Variants in HLTF observed in about 807,000 individuals in gnomAD.
HLTF encodes the protein helicase like transcription factor.
In HLTF, 127 loss-of-function variants were observed where a neutral mutation model predicts 129.4. That is an observed-to-expected ratio of 0.98 (90% CI 0.85 to 1.14). The LOEUF is 1.14. Ranked by LOEUF, HLTF falls within the 50% of genes most tolerant of loss-of-function variation. HLTF has a pLI of 0.00. For missense variants in HLTF, 1,139 were observed against 1,187.1 expected (o/e 0.96, Z 0.60); for synonymous variants, 332 against 388.8 (o/e 0.85, Z 1.72).
chr3:149,035,603 G>A (rs1468920054), intron 23 of HLTF, among the ~76,000 whole-genome samples: 1 of 139,338 alleles, frequency 7.2e-6, no homozygotes, highest in Non-Finnish European at 1.5e-5. Flanking sequence ...AGCCTGCAGT[G>A]AGCCGAGATC....
intron 18 of HLTF, among the ~76,000 whole-genome samples, chr3:149,043,323 A>G (rs1178416313): frequency 6.6e-6 from 1 of 151,832 alleles, no homozygotes; most frequent in Non-Finnish European, 1.5e-5. Flanking sequence ...GAAAATCAAA[A>G]TTAAACAAAA....
At chr3:149,067,088 T>C (rs897026050) in intron 8 of HLTF, among the ~76,000 whole-genome samples, 1 of 152,032 alleles carries the variant, frequency 6.6e-6, no homozygotes, top group Non-Finnish European at 1.5e-5. Flanking sequence ...AAGAAGTAAC[T>C]GTTCCTCTCT....
At chr3:149,063,629 C>A (rs1718133740) in intron 9 of HLTF, 105 bp from the exon 10 acceptor site, 8 of 651,498 alleles carry the variant, frequency 1.2e-5, no homozygotes, top group Non-Finnish European at 2.2e-5. Flanking sequence ...TTTCAGTTTT[C>A]TTAAGATCTT....
chr3:149,041,730 T>C (rs759726476), intron 19 of HLTF, 62 bp from the exon 20 acceptor site: 1 of 1,195,598 alleles, frequency 8.4e-7, no homozygotes, highest in Admixed American at 2.0e-5. Context: ...AGTTAATCTA[T>C]CTTATAAGGA....
chr3:149,072,460 A>C (rs1416107910), intron 5 of HLTF, among the ~76,000 whole-genome samples: 1 of 152,216 alleles, frequency 6.6e-6, no homozygotes, highest in East Asian at 1.9e-4. Context: ...CTTGCCATGC[A>C]CTATAGGATA....
At position 149,040,017 on chromosome 3, in the gene HLTF, CAT is replaced by C. The variant is rs1491295264; in HGVS notation, c.2502+12_2502+13del. Reference sequence around the variant, plus strand: ...TAAAACAAATACTCAAATATTTGCACATGAGTACTTTACCTTTGAACTGGATG... The same window carrying C: ...TAAAACAAATACTCAAATATTTGCACGAGTACTTTACCTTTGAACTGGATG... On this transcript the variant is annotated intron_variant, in intron 21 of 24. Coordinates refer to ENST00000310053, the MANE Select transcript of HLTF (RefSeq NM_003071.4). 9.5e-4 allele frequency: 1,514 copies of C among 1,601,776 alleles called. 10 individuals carry two copies. The African/African-American group carries it at 0.018, about 19-fold the overall frequency.
At position 149,084,661 on chromosome 3, in the gene HLTF, A is replaced by ATTTAG. The variant is rs112819626; in HGVS notation, c.228+20_228+21insCTAAA. On this transcript the variant is annotated intron_variant, in intron 2 of 24. Coordinates refer to ENST00000310053, the MANE Select transcript of HLTF (RefSeq NM_003071.4). ...ACGCCAGAAATATAATCAAAATTTA[A>ATTTAG]TTATCTACTATTATACTCACTACTC... is the stretch of plus-strand genomic sequence containing the variant. 0.019 allele frequency: 28,342 copies of ATTTAG among 1,512,204 alleles called. 1,938 individuals are homozygous for ATTTAG. The African/African-American group carries it at 0.22, about 12-fold the overall frequency. The allele number at this position is 1,512,204 out of a possible 1,614,324, so 93.7% of individuals were successfully genotyped here. A position where few individuals can be genotyped will look rare whatever the true frequency, so the allele number is the denominator to read the frequency against.
rs1210280419 is a variant in HLTF, at chr3:149,050,308, C to T, written c.1541G>A (p.Arg514His). Residue 514 changes from arginine (R) to histidine (H), a missense_variant, in exon 15 of 25, where the codon CGT becomes CAT. Transcript: ENST00000310053. ...LNFYVYYGPD[R>H]IREPALLSKQ... ...TGAAAGTAAGGCCGGTTCTCTAATA[C>T]GATCAGGACCATAATAAACATAAAA... 10 of 1,596,716 alleles carry T rather than the reference C, an allele frequency of 6.3e-6. No homozygotes were observed. Among genetic ancestry groups the T allele is most frequent in the South Asian group, 4.4e-5 (4 of 90,176 alleles).
Position 149,050,366 on chromosome 3 carries a change from C to A in HLTF, c.1483G>T (p.Gly495Ter), listed in dbSNP as rs1313183454. 1.3e-6 allele frequency: 2 copies of A among 1,565,060 alleles called. No individual in the cohort carries two copies. The highest frequency in any genetic ancestry group is 2.4e-5 in the South Asian group (2 of 83,770). ...TGTACATCTGATTTTATATGTTGTC[C>A]AAACTGGTCCTAAAGAAAAATTAGG... ...SVLSNWIDQF[G>*]QHIKSDVHLN... The change falls in exon 15 of 25, where the codon GGA becomes TGA. Residue 495 changes from glycine (G) to a stop codon, truncating the protein, a stop_gained. Coordinates refer to ENST00000310053, the MANE Select transcript of HLTF (RefSeq NM_003071.4). LOFTEE classifies it high-confidence loss of function.
intron 14 of HLTF, among the ~76,000 whole-genome samples, chr3:149,053,271 G>C (rs1265408861): frequency 6.6e-6 from 1 of 152,206 alleles, no homozygotes; most frequent in Non-Finnish European, 1.5e-5. Flanking sequence ...GAGGGGCCTG[G>C]AGGTGGAAGG....
intron 1 of HLTF, among the ~76,000 whole-genome samples, chr3:149,085,975 G>A (rs1017853713): frequency 6.6e-6 from 1 of 152,116 alleles, no homozygotes; most frequent in African/African-American, 2.4e-5. Context: ...GACAAGGACT[G>A]TCTTACTCGG....
At position 149,041,672 on chromosome 3, in the gene HLTF, G is replaced by C; in HGVS notation, c.2198-4C>G. ...AGTTCTTCAGGTGTATCATTTCCTA[G>C]AGAAAAGGCTGAAAAATTAATTTCA... On this transcript the variant is annotated splice_polypyrimidine_tract_variant and splice_region_variant and intron_variant, in intron 19 of 24. Coordinates refer to ENST00000310053, the MANE Select transcript of HLTF (RefSeq NM_003071.4). 2 of 1,595,896 alleles carry C rather than the reference G, an allele frequency of 1.3e-6. No homozygotes were observed. Among genetic ancestry groups the C allele is most frequent in the Non-Finnish European group, 1.7e-6 (2 of 1,166,434 alleles).
chr3:149,054,465 T>G (rs1040737778), intron 14 of HLTF, among the ~76,000 whole-genome samples: 11 of 152,152 alleles, frequency 7.2e-5, no homozygotes, highest in Admixed American at 4.6e-4. Context: ...GATCTCTTCC[T>G]CCTCTGACAT....
At chr3:149,073,177 C>A in intron 5 of HLTF, 48 bp downstream of exon 5, 2 of 1,280,554 alleles carry the variant, frequency 1.6e-6, no homozygotes, top group South Asian at 1.4e-5. Context: ...TACAAACCTG[C>A]AACATTTAAA....
chr3:149,063,739 T>C (rs975819961), intron 9 of HLTF, among the ~76,000 whole-genome samples: 2 of 152,132 alleles, frequency 1.3e-5, no homozygotes, highest in African/African-American at 4.8e-5. Context: ...CCCAGTCTTT[T>C]CTTTGTACTC....
intron 17 of HLTF, among the ~76,000 whole-genome samples, chr3:149,047,420 T>C (rs1716630488): frequency 6.6e-6 from 1 of 152,176 alleles, no homozygotes. Flanking sequence ...GGCAAGAGGA[T>C]AACCTGAGGT....
At chr3:149,034,677 G>A (rs1715416353) in intron 24 of HLTF, among the ~76,000 whole-genome samples, 2 of 152,166 alleles carry the variant, frequency 1.3e-5, no homozygotes, top group South Asian at 4.1e-4. Flanking sequence ...GTAGAATAAA[G>A]TATAATTCCA....
intron 12 of HLTF, 113 bp from the exon 13 acceptor site, chr3:149,059,920 G>A: frequency 4.5e-6 from 3 of 662,228 alleles, no homozygotes; most frequent in Non-Finnish European, 7.7e-6. Flanking sequence ...TATTGTAAGA[G>A]CTTATATTAT....
chr3:149,053,525 C>T (rs3772565), intron 14 of HLTF, among the ~76,000 whole-genome samples: 39,382 of 152,116 alleles, frequency 0.26, 5,988 homozygotes, highest in Middle Eastern at 0.42. Context: ...GATGCCAGCA[C>T]GATACTTCCT....
Sources: gnomAD v4.1 joint callset for allele counts (sites outside exome capture counted in the v4.1 genomes callset) on GRCh38, gnomAD v4.1.1 for gene constraint, MANE v1.5 for transcripts, NCBI Gene and HGNC (gene_info 2026-07-23, HGNC 2026-07-21) for gene names.